CYFIP1: variants seen among roughly 807,000 people sequenced by gnomAD.
CYFIP1 encodes the protein cytoplasmic FMR1 interacting protein 1, also known as cytoplasmic FMR1-interacting protein 1.
In CYFIP1, 58 loss-of-function variants were observed where a neutral mutation model predicts 163.5. The ratio of observed to expected loss-of-function variants is 0.35; its 90% CI spans 0.29 to 0.44. The LOEUF (loss-of-function observed/expected upper bound fraction) is 0.44, where lower values mean the gene tolerates loss of function less well. Ranked by LOEUF, CYFIP1 falls within the 20% of genes least tolerant of loss-of-function variation. The pLI, the probability that CYFIP1 is intolerant of heterozygous loss-of-function variation, is 1.00. For missense variants in CYFIP1, 1,338 were observed against 1,653.8 expected (o/e 0.81, Z 3.31); for synonymous variants, 663 against 660.7 (o/e 1.00, Z -0.05).
intron 9 of CYFIP1, among the ~76,000 whole-genome samples, chr15:22,936,375 C>T (rs540195268): frequency 1.3e-5 from 2 of 152,304 alleles, no homozygotes; most frequent in East Asian, 1.9e-4. Flanking sequence ...GAAGGGAACA[C>T]GCTAATAACA....
At chr15:22,889,467 C>T (rs538513864) in intron 23 of CYFIP1, among the ~76,000 whole-genome samples, 1 of 152,326 alleles carries the variant, frequency 6.6e-6, no homozygotes, top group East Asian at 1.9e-4. Context: ...AAACGTGTGT[C>T]AAGAGCCTTT....
chr15:22,956,787 C>T (rs369481013), intron 1 of CYFIP1, among the ~76,000 whole-genome samples: 5 of 152,196 alleles, frequency 3.3e-5, no homozygotes, highest in Admixed American at 6.5e-5. Context: ...AAGATGCCAG[C>T]GAGCACACAG....
At chr15:22,976,737 A>G (rs374140129) in intron 1 of CYFIP1, among the ~76,000 whole-genome samples, 1 of 152,228 alleles carries the variant, frequency 6.6e-6, no homozygotes, top group East Asian at 1.9e-4. Flanking sequence ...GTATAGGGAA[A>G]AAAACCACAG....
Position 22,926,049 on chromosome 15 carries a change from C to T in CYFIP1, c.1292G>A (p.Ser431Asn), listed in dbSNP as rs768896351. 70 of 1,614,070 alleles carry T rather than the reference C, an allele frequency of 4.3e-5. No homozygotes were observed. The highest frequency in any genetic ancestry group is 5.8e-5 in the Non-Finnish European group (68 of 1,180,028). Residue 431 changes from serine to asparagine, a missense_variant, in exon 13 of 31, where the codon AGC becomes AAC. This residue lies in a region of CYFIP1 where 824 missense variants were observed against 995.7 expected (regional missense o/e 0.83). Transcript: ENST00000617928. The part of the protein sequence containing the change: ...DKYSNKDCPD[S>N]AEEYERATRY... Reference sequence around the variant, plus strand: ...CGTGGCACGCTCGTACTCTTCAGCGCTGTCGGGGCAGTCCTTGTTGGAGTA... The same window carrying T: ...CGTGGCACGCTCGTACTCTTCAGCGTTGTCGGGGCAGTCCTTGTTGGAGTA...
In CYFIP1 at chr15:22,880,089, G is replaced by A. The variant is rs374373085; in HGVS notation, c.2912-46C>T. The A allele has an allele frequency of 1.4e-4, 231 of 1,609,878 alleles. 3 individuals carry two copies. Among genetic ancestry groups the A allele is most frequent in the South Asian group, 1.3e-4 (12 of 90,948 alleles). On this transcript the variant is annotated intron_variant, in intron 25 of 30. Transcript: ENST00000617928. ...TGGGGTTGGGGGACTGGAGGGGGCC[G>A]GGCCCTAGCAGCCTGGGTCCACAGC...
At chr15:22,890,309 CAAAAA>C (rs916023349) in intron 23 of CYFIP1, among the ~76,000 whole-genome samples, 2 of 81,518 alleles carry the variant, frequency 2.5e-5, no homozygotes, top group Non-Finnish European at 2.6e-5. Flanking sequence ...GACTCCATCT[CAAAAA>C]AAAAAAAAAA....
intron 13 of CYFIP1, among the ~76,000 whole-genome samples, chr15:22,919,311 A>G (rs982589586): frequency 7.2e-5 from 11 of 152,204 alleles, no homozygotes; most frequent in African/African-American, 2.7e-4. Context: ...TTACATGACA[A>G]AGAGCTTCCA....
intron 1 of CYFIP1, among the ~76,000 whole-genome samples, chr15:22,974,182 T>A (rs1043160100): frequency 1.3e-5 from 2 of 152,124 alleles, no homozygotes; most frequent in African/African-American, 4.8e-5. Context: ...TGGGTATATA[T>A]CTAAAAGAAA....
intron 24 of CYFIP1, among the ~76,000 whole-genome samples, 158 bp downstream of exon 24, chr15:22,882,710 G>A (rs1337333740): frequency 6.6e-6 from 1 of 152,210 alleles, no homozygotes; most frequent in Non-Finnish European, 1.5e-5. Flanking sequence ...TTGAAAAGAT[G>A]AGGGAAGTAT....
intron 1 of CYFIP1, among the ~76,000 whole-genome samples, chr15:22,964,788 C>G (rs1379875779): frequency 6.6e-6 from 1 of 152,196 alleles, no homozygotes; most frequent in African/African-American, 2.4e-5. Context: ...ATTCACAGAG[C>G]CGAGAAACGG....
intron 23 of CYFIP1, among the ~76,000 whole-genome samples, chr15:22,890,519 G>A (rs544557049): frequency 4.7e-4 from 71 of 152,266 alleles, no homozygotes; most frequent in African/African-American, 1.5e-3. Context: ...CATTCTTGGC[G>A]CCTGGGTACC....
At position 22,901,285 on chromosome 15, in the gene CYFIP1, G is replaced by T. The variant is rs115512204; in HGVS notation, c.2588+2421C>A. Among the ~76,000 whole-genome samples, 383 of 152,086 alleles carry T rather than the reference G, an allele frequency of 2.5e-3. 4 individuals are homozygous for T. The highest frequency in any genetic ancestry group is 8.6e-3 in the African/African-American group (357 of 41,474). On this transcript the variant is annotated intron_variant, in intron 22 of 30. Transcript: ENST00000617928. ...AAGATAACTGATTCGGACAGGAATCGTCGACAGATGTTAAAACGACCGGGA... is the reference window on the plus strand; with the variant it reads ...AAGATAACTGATTCGGACAGGAATCTTCGACAGATGTTAAAACGACCGGGA...
intron 23 of CYFIP1, among the ~76,000 whole-genome samples, chr15:22,888,224 G>T (rs8043191): frequency 0.11 from 16,685 of 152,090 alleles, 2,126 homozygotes; most frequent in African/African-American, 0.32. Context: ...GTGGATTCCT[G>T]TGTATTCCAT....
chr15:22,894,585 C>T (rs989215080), intron 22 of CYFIP1, among the ~76,000 whole-genome samples: 4 of 151,532 alleles, frequency 2.6e-5, no homozygotes, highest in Admixed American at 6.6e-5. Context: ...CCACCACGCC[C>T]GGCCTAGAGG....
chr15:22,900,399 C>CTT (rs35697922), intron 22 of CYFIP1, among the ~76,000 whole-genome samples: 29 of 135,042 alleles, frequency 2.1e-4, no homozygotes, highest in African/African-American at 4.9e-4. Flanking sequence ...AATTTCTGTT[C>CTT]TTTTTTTTTT....
chr15:22,931,100 G>A (rs1307156060), intron 11 of CYFIP1, among the ~76,000 whole-genome samples: 1 of 152,160 alleles, frequency 6.6e-6, no homozygotes, highest in African/African-American at 2.4e-5. Context: ...GGTAACCATG[G>A]GGGGTGGGGG....
At chr15:22,927,514 G>A (rs1357392804) in intron 12 of CYFIP1, among the ~76,000 whole-genome samples, 5 of 146,902 alleles carry the variant, frequency 3.4e-5, no homozygotes, top group African/African-American at 5.0e-5. Context: ...AAAATTAGCC[G>A]GGAGCCGTGG....
intron 30 of CYFIP1, among the ~76,000 whole-genome samples, chr15:22,870,865 G>T (rs1490869513): frequency 2.6e-5 from 4 of 152,168 alleles, no homozygotes; most frequent in Non-Finnish European, 5.9e-5. Context: ...ACTGTGACGG[G>T]ATACTCTGAC....
intron 22 of CYFIP1, among the ~76,000 whole-genome samples, chr15:22,895,077 T>A (rs924665286): frequency 4.6e-5 from 7 of 151,102 alleles, no homozygotes; most frequent in African/African-American, 1.7e-4. Context: ...TGCAGTGGCG[T>A]GATCTTGGCT....
Sources: gnomAD v4.1 joint callset for allele counts (sites outside exome capture counted in the v4.1 genomes callset) on GRCh38, gnomAD v4.1.1 for gene constraint, gnomAD v4.1.1 regional missense constraint, MANE v1.5 for transcripts, NCBI Gene and HGNC (gene_info 2026-07-23, HGNC 2026-07-21) for gene names.